LZTR1: variants seen among roughly 807,000 people sequenced by gnomAD.
LZTR1 encodes leucine-zipper-like transcriptional regulator 1.
In LZTR1, 260 loss-of-function variants were observed where a neutral mutation model predicts 105.7. The observed-to-expected ratio is 2.46, with a 90% CI of 2.22 to 2.72. The LOEUF (loss-of-function observed/expected upper bound fraction) is 2.72. LZTR1 is among the 30% of genes most tolerant of loss of function. The pLI is 0.00. For synonymous variants in LZTR1, 490 were observed against 476.4 expected (o/e 1.03, Z -0.37); for missense variants, 1,214 against 1,166.9 (o/e 1.04, Z -0.59).
At position 20,991,670 on chromosome 22, in the gene LZTR1, A is replaced by AC. The variant is rs1175877142; in HGVS notation, c.836dup (p.Pro280ThrfsTer14). On this transcript the variant is annotated frameshift_variant, in exon 9 of 21. Coordinates refer to ENST00000646124, the MANE Select transcript of LZTR1 (RefSeq NM_006767.4). LOFTEE classifies it high-confidence loss of function. ...CTGAACACCTGCTCCGGGGCTCCCC[A>AC]CCACCCCCGCAGCGGCGCTACGGGC... The AC allele has an allele frequency of 1.2e-6, 2 of 1,603,406 alleles. No homozygotes were observed. The highest frequency in any genetic ancestry group is 8.5e-7 in the Non-Finnish European group (1 of 1,177,612).
intron 19 of LZTR1, 29 bp downstream of exon 19, chr22:20,996,830 G>T: frequency 1.2e-6 from 2 of 1,612,262 alleles, no homozygotes; most frequent in Non-Finnish European, 1.7e-6. Context: ...GCACATGGCT[G>T]CAGCTCCCAC....
chr22:20,994,164 G>A lies in LZTR1; in HGVS notation c.1510G>A (p.Ala504Thr). 1 of 1,596,660 alleles carries A rather than the reference G, an allele frequency of 6.3e-7. No homozygotes were observed. Among genetic ancestry groups the A allele is most frequent in the Non-Finnish European group, 8.5e-7 (1 of 1,173,422 alleles). Residue 504 changes from alanine (A) to threonine (T), a missense_variant, in exon 14 of 21, where the codon GCC (alanine) becomes ACC (threonine). Physicochemically the swap from Ala to Thr is moderately conservative, Grantham distance 58. Coordinates refer to ENST00000646124, the MANE Select transcript of LZTR1 (RefSeq NM_006767.4). Reference protein sequence around the residue: ...REAPGVAAGGARPPLLHVAIR... With the variant: ...REAPGVAAGGTRPPLLHVAIR... ...GGCCCCCGGCGTGGCTGCTGGTGGGGCCCGGCCGCCCCTGCTGCACGTGGC... is the reference window on the plus strand; with the variant it reads ...GGCCCCCGGCGTGGCTGCTGGTGGGACCCGGCCGCCCCTGCTGCACGTGGC...
chr22:20,996,256 G>GCTGGGC, intron 18 of LZTR1, 144 bp downstream of exon 18: 1 of 895,230 alleles, frequency 1.1e-6, no homozygotes, highest in Non-Finnish European at 1.7e-6. Flanking sequence ...GGTGCCTGGG[G>GCTGGGC]CTGGGCCTGG....
Position 20,996,114 on chromosome 22 carries a change from C to A in LZTR1, c.2219+2C>A, listed in dbSNP as rs972565181. 3.7e-6 allele frequency: 6 copies of A among 1,611,576 alleles called. No individual in the cohort carries two copies. The East Asian group carries it at 1.3e-4, about 36-fold the overall frequency. ...CAACATGCCGCCCGAGGACTCGCTG[C>A]ATCCTCACTCCCCAGTGAACTCCCA... On this transcript the variant is annotated splice_donor_variant, in intron 18 of 20. Transcript: ENST00000646124. LOFTEE classifies it high-confidence loss of function.
chr22:20,993,398 G>T, intron 11 of LZTR1: 1 of 567,290 alleles, frequency 1.8e-6, no homozygotes, highest in East Asian at 2.9e-5. Flanking sequence ...GCTGAGGCCT[G>T]GGGCCCAGCC....
intron 2 of LZTR1, among the ~76,000 whole-genome samples, chr22:20,985,602 G>C (rs1924351517): frequency 6.6e-6 from 1 of 152,160 alleles, no homozygotes; most frequent in Non-Finnish European, 1.5e-5. Flanking sequence ...TCATGCTTTG[G>C]TCCTGACCCC....
intron 18 of LZTR1, 54 bp downstream of exon 18, chr22:20,996,166 CACCTCAGGTG>C (rs1448129823): frequency 1.1e-5 from 17 of 1,588,340 alleles, no homozygotes; most frequent in Non-Finnish European, 1.4e-5. Flanking sequence ...TCCTGGCACC[CACCTCAGGTG>C]GCTTTGAGGC....
chr22:20,988,595 T>C (rs984451745), intron 5 of LZTR1, among the ~76,000 whole-genome samples, 194 bp from the exon 6 acceptor site: 1 of 152,242 alleles, frequency 6.6e-6, no homozygotes, highest in Non-Finnish European at 1.5e-5. Flanking sequence ...GCTGTCTGAA[T>C]TCCTCTTCAA....
In LZTR1 at chr22:20,994,882, A is replaced by G; in HGVS notation, c.1798A>G (p.Asn600Asp). Reference sequence around the variant, plus strand: ...CTGTCTGCCCCAGGAGCACTGCCTGAACTTCGTGGTAAAGGAGTCCCACTT... The same window carrying G: ...CTGTCTGCCCCAGGAGCACTGCCTGGACTTCGTGGTAAAGGAGTCCCACTT... ...QLSQLKEHCLNFVVKESHFNQ... is the reference protein window; with the variant it reads ...QLSQLKEHCLDFVVKESHFNQ... Residue 600 changes from asparagine to aspartate, a missense_variant, in exon 16 of 21, where the codon AAC becomes GAC. Transcript: ENST00000646124. 1 of 1,613,292 alleles carries G rather than the reference A, an allele frequency of 6.2e-7. No homozygotes were observed. The highest frequency in any genetic ancestry group is 8.5e-7 in the Non-Finnish European group (1 of 1,179,960).
rs1328206824 is a variant in LZTR1 at position 20,987,932 on chromosome 22, A to AT, written c.401-76dup. 15 of 879,928 alleles carry AT rather than the reference A, an allele frequency of 1.7e-5. No homozygotes were observed. The African/African-American group carries it at 1.8e-4, about 11-fold the overall frequency. 54.5% of individuals were successfully genotyped at this position (879,928 alleles called of 1,614,324 possible). A position where few individuals can be genotyped will look rare whatever the true frequency, so the allele number is the denominator to read the frequency against. On this transcript the variant is annotated intron_variant, in intron 4 of 20. Coordinates refer to ENST00000646124, the MANE Select transcript of LZTR1 (RefSeq NM_006767.4). ...GCTTATGCATTTTCAGGGGGGCCAGATTCTGCTCCACCTTCCAGGGTTTGA... is the reference window on the plus strand; with the variant it reads ...GCTTATGCATTTTCAGGGGGGCCAGATTTCTGCTCCACCTTCCAGGGTTTGA...
intron 8 of LZTR1, chr22:20,991,409 G>C (rs948347952): frequency 1.8e-6 from 1 of 569,340 alleles, no homozygotes; most frequent in African/African-American, 1.9e-5. Context: ...AGCTCTGGCA[G>C]GACCCTGCGG....
chr22:20,982,392 G>C lies in LZTR1; in HGVS notation c.21G>C (p.Thr7=), dbSNP rs377622689. Residue 7 remains threonine (T), a synonymous_variant, in exon 1 of 21, where the codon ACG becomes ACC. Transcript: ENST00000646124. ...CCGGGATGGCTGGACCGGGCAGCAC[G>C]GGGGGGCAGATCGGGGCTGCGGCCC... MAGPGS[T]GGQIGAAALA... 6 of 1,558,490 alleles carry C rather than the reference G, an allele frequency of 3.8e-6. No individual in the cohort carries two copies. The highest frequency in any genetic ancestry group is 3.5e-6 in the Non-Finnish European group (4 of 1,150,834).
At position 20,994,965 on chromosome 22, in the gene LZTR1, G is replaced by A; in HGVS notation, c.1881G>A (p.Glu627=). The A allele has an allele frequency of 2.5e-6, 4 of 1,613,282 alleles. No homozygotes were observed. The highest frequency in any genetic ancestry group is 3.4e-6 in the Non-Finnish European group (4 of 1,179,998). The change falls in exon 16 of 21, where the codon GAG becomes GAA. Residue 627 remains glutamate, a synonymous_variant. Transcript: ENST00000646124. ...FERLSSPLIV[E]IVRRKQQPPP... is the part of the protein sequence containing the mutation. Reference sequence around the variant, plus strand: ...GCCTCTCCTCTCCACTGATAGTGGAGATTGTGCGGCGGAAGCAGCAGCCGC... The same window carrying A: ...GCCTCTCCTCTCCACTGATAGTGGAAATTGTGCGGCGGAAGCAGCAGCCGC...
chr22:20,986,792 T>A (rs1924403552), intron 3 of LZTR1: 1 of 152,250 alleles, frequency 6.6e-6, no homozygotes, highest in Non-Finnish European at 1.5e-5. Context: ...GACCCCGTGC[T>A]GTAAGATGCT....
intron 5 of LZTR1, 50 bp downstream of exon 5, chr22:20,988,168 T>C (rs572818228): frequency 4.0e-6 from 5 of 1,248,678 alleles, no homozygotes; most frequent in East Asian, 2.3e-5. Context: ...CTGGGTGGCA[T>C]TGGACCTGGG....
chr22:20,996,404 A>G (rs1015155346), intron 18 of LZTR1: 1 of 591,098 alleles, frequency 1.7e-6, no homozygotes, highest in Admixed American at 3.0e-5. Context: ...ACATGGAGGT[A>G]CTCCTTATGT....
chr22:20,987,901 G>C, intron 4 of LZTR1, 109 bp from the exon 5 acceptor site: 1 of 729,378 alleles, frequency 1.4e-6, no homozygotes, highest in Non-Finnish European at 2.4e-6. Flanking sequence ...TGTGGAAGGA[G>C]TCCTGGCTTA....
At chr22:20,982,721 G>C (rs1020203183) in intron 1 of LZTR1, 150 bp downstream of exon 1, 3 of 790,946 alleles carry the variant, frequency 3.8e-6, no homozygotes, top group Non-Finnish European at 6.1e-6. Context: ...TTCAGGGCAG[G>C]GGAGAGGGTT....
In LZTR1 at chr22:20,992,110, TC is replaced by T. The variant is rs1924627156; in HGVS notation, c.994-102del. The T allele has an allele frequency of 4.2e-6, 5 of 1,190,864 alleles. No individual in the cohort carries two copies. In the South Asian group the frequency reaches 7.0e-5, roughly 17 times the overall value. 73.8% of individuals were successfully genotyped at this position (1,190,864 alleles called of 1,614,324 possible). ...GGGAAGCCCACGGCCATGCAGCTCT[TC>T]CTTCTTTCAGAACCCACTCTCAAGG... is the stretch of plus-strand genomic sequence containing the variant. On this transcript the variant is annotated intron_variant, in intron 9 of 20. Transcript: ENST00000646124.
Sources: gnomAD v4.1 joint callset for allele counts (sites outside exome capture counted in the v4.1 genomes callset) on GRCh38, gnomAD v4.1.1 for gene constraint, MANE v1.5 for transcripts, NCBI Gene and HGNC (gene_info 2026-07-23, HGNC 2026-07-21) for gene names.